KIRREL3: variants seen among roughly 807,000 people sequenced by gnomAD.
KIRREL3 encodes kirre like nephrin family adhesion molecule 3.
Under a neutral mutation model 89.7 loss-of-function variants are expected in KIRREL3, and 36 were observed. The observed-to-expected ratio is 0.40, with a 90% CI of 0.31 to 0.53. The LOEUF is 0.53. KIRREL3 is among the 20% of genes least tolerant of loss of function. KIRREL3 has a pLI of 0.49. For synonymous variants in KIRREL3, 445 were observed against 441.4 expected (o/e 1.01, Z -0.10); for missense variants, 864 against 1,056.6 (o/e 0.82, Z 2.53).
At chr11:126,910,889 C>T (rs544878806) in intron 1 of KIRREL3, among the ~76,000 whole-genome samples, 5 of 152,314 alleles carry the variant, frequency 3.3e-5, no homozygotes, top group African/African-American at 1.2e-4. Context: ...GCAGGAAGGC[C>T]CAGCAGTGAT....
chr11:126,701,293 C>G (rs1947303564), intron 1 of KIRREL3, among the ~76,000 whole-genome samples: 1 of 152,154 alleles, frequency 6.6e-6, no homozygotes, highest in Non-Finnish European at 1.5e-5. Context: ...GTCTTTGCAT[C>G]CATCTCTTAG....
At chr11:126,952,109 G>C (rs1948790068) in intron 1 of KIRREL3, among the ~76,000 whole-genome samples, 1 of 152,190 alleles carries the variant, frequency 6.6e-6, no homozygotes. Context: ...GTTTTGGCTG[G>C]GCACGGTGGC....
Position 126,724,935 on chromosome 11 carries a change from G to A in KIRREL3, c.56-162023C>T, listed in dbSNP as rs7929838. ...TTGTACCTTGACTTTGTGTCAGGTA[G>A]TGTGCTAGGTGCAGGAGTAGATATT... is the stretch of plus-strand genomic sequence containing the variant. On this transcript the variant is annotated intron_variant, in intron 1 of 16. Transcript: ENST00000525144. This position sits in a 1 kb window ranked among gnomAD's most constrained non-coding sequence, Gnocchi z 4.3. Among the ~76,000 whole-genome samples, 11,479 of 152,284 alleles carry A rather than the reference G, an allele frequency of 0.075. 670 individuals are homozygous for A. The highest frequency in any genetic ancestry group is 0.16 in the African/African-American group (6,744 of 41,532).
chr11:126,854,673 G>T (rs1336623494), intron 1 of KIRREL3, among the ~76,000 whole-genome samples: 1 of 152,154 alleles, frequency 6.6e-6, no homozygotes, highest in Non-Finnish European at 1.5e-5. Context: ...GAATAATGTT[G>T]CCATGAACAC....
intron 1 of KIRREL3, among the ~76,000 whole-genome samples, chr11:126,711,719 T>G (rs990390821): frequency 2.6e-5 from 4 of 152,194 alleles, no homozygotes; most frequent in African/African-American, 9.6e-5. Flanking sequence ...AAAGGTCTGA[T>G]TTAGTAAGGT....
Position 126,594,306 on chromosome 11 carries a change from A to AT in KIRREL3, c.56-31395dup, listed in dbSNP as rs55750071. Among the ~76,000 whole-genome samples, 33,419 of 151,922 alleles carry AT rather than the reference A, an allele frequency of 0.22. 4,755 individuals carry two copies. Among genetic ancestry groups the AT allele is most frequent in the South Asian group, 0.41 (1,977 of 4,792 alleles). ...GCCACAGGATTCATGGCGTACTGTGATTTTTTTGTTGTTGCTATGGTCCTT... is the reference window on the plus strand; with the variant it reads ...GCCACAGGATTCATGGCGTACTGTGATTTTTTTTGTTGTTGCTATGGTCCTT... On this transcript the variant is annotated intron_variant, in intron 1 of 16. Transcript: ENST00000525144. The surrounding 1 kb of genome is among the most constrained non-coding windows in gnomAD (Gnocchi z 5.0).
In KIRREL3 at chr11:126,976,102, G is replaced by A. The variant is rs142641163; in HGVS notation, c.55+24353C>T. Among the ~76,000 whole-genome samples, 28 of 151,952 alleles carry A rather than the reference G, an allele frequency of 1.8e-4. No individual in the cohort carries two copies. Among genetic ancestry groups the A allele is most frequent in the African/African-American group, 5.3e-4 (22 of 41,380 alleles). ...TTAGCATCTTCCAGATGAACACATC[G>A]CTTTCTACAGAGGATGCTGAGAAGC... On this transcript the variant is annotated intron_variant, in intron 1 of 16. Coordinates refer to ENST00000525144, the MANE Select transcript of KIRREL3 (RefSeq NM_032531.4). This position sits in a 1 kb window ranked among gnomAD's most constrained non-coding sequence, Gnocchi z 4.2.
In KIRREL3 at chr11:126,525,728, G is replaced by A. The variant is rs887809506; in HGVS notation, c.283+810C>T. Among the ~76,000 whole-genome samples, 3 of 152,244 alleles carry A rather than the reference G, an allele frequency of 2.0e-5. No individual in the cohort carries two copies. The highest frequency in any genetic ancestry group is 2.0e-4 in the Admixed American group (3 of 15,288). ...CCTGCTTGTGAATTTTACTGTGTAC[G>A]CCAAGCCTAGCAAACAACCACTGCC... On this transcript the variant is annotated intron_variant, in intron 3 of 16. Coordinates refer to ENST00000525144, the MANE Select transcript of KIRREL3 (RefSeq NM_032531.4). This position sits in a 1 kb window ranked among gnomAD's most constrained non-coding sequence, Gnocchi z 5.4.
intron 2 of KIRREL3, among the ~76,000 whole-genome samples, chr11:126,552,586 CAG>C (rs1478218587): frequency 2.2e-4 from 12 of 55,736 alleles, no homozygotes; most frequent in Non-Finnish European, 1.1e-4. Flanking sequence ...TTTTTTGAGA[CAG>C]AGTTTTGCTG....
At chr11:126,864,210 T>C (rs1031235080) in intron 1 of KIRREL3, among the ~76,000 whole-genome samples, 6 of 152,178 alleles carry the variant, frequency 3.9e-5, no homozygotes, top group Non-Finnish European at 5.9e-5. Context: ...ATTTTAGGGA[T>C]AAGGAAACTG....
Position 126,424,489 on chromosome 11 carries a change from G to T in KIRREL3, c.*91C>A. ...GGCTGTCCTGGAAGTGGCCAATTCT[G>T]GTGTCCTCTGCAAAGTACCCCTCGT... On this transcript the variant is annotated 3_prime_UTR_variant, in exon 17 of 17. Coordinates refer to ENST00000525144, the MANE Select transcript of KIRREL3 (RefSeq NM_032531.4). The T allele has an allele frequency of 2.4e-6, 3 of 1,270,778 alleles. No homozygotes were observed. The highest frequency in any genetic ancestry group is 2.1e-5 in the Admixed American group (1 of 48,446). The allele number at this position is 1,270,778 out of a possible 1,614,324, so 78.7% of individuals were successfully genotyped here. A position where few individuals can be genotyped will look rare whatever the true frequency, so the allele number is the denominator to read the frequency against.
Position 126,708,949 on chromosome 11 carries a change from C to G in KIRREL3, c.56-146037G>C, listed in dbSNP as rs796966801. 6.6e-6 allele frequency among the ~76,000 whole-genome samples: 1 copy of G among 152,164 alleles called. No homozygotes were observed. Among genetic ancestry groups the G allele is most frequent in the African/African-American group, 2.4e-5 (1 of 41,446 alleles). On this transcript the variant is annotated intron_variant, in intron 1 of 16. Coordinates refer to ENST00000525144, the MANE Select transcript of KIRREL3 (RefSeq NM_032531.4). This position sits in a 1 kb window ranked among gnomAD's most constrained non-coding sequence, Gnocchi z 5.7. ...GCTGTTTCTTGAATTGGTTTCTTCT[C>G]TATCCCACTATTACTGTCCTGATCC...
In KIRREL3 at chr11:126,498,786, C is replaced by T. The variant is rs887082800; in HGVS notation, c.433+22529G>A. The stretch of plus-strand genomic sequence containing the variant: ...TGCACCTAAGGTTGAGTCCCCCTCC[C>T]ACAGGAGCACCTGCGTGGGCCCTCA... On this transcript the variant is annotated intron_variant, in intron 4 of 16. Transcript: ENST00000525144. This position sits in a 1 kb window ranked among gnomAD's most constrained non-coding sequence, Gnocchi z 4.3. 3.3e-5 allele frequency among the ~76,000 whole-genome samples: 5 copies of T among 152,216 alleles called. No individual in the cohort carries two copies. The highest frequency in any genetic ancestry group is 1.2e-4 in the African/African-American group (5 of 41,454).
intron 8 of KIRREL3, among the ~76,000 whole-genome samples, chr11:126,447,384 G>A (rs569213310): frequency 4.6e-5 from 7 of 152,252 alleles, no homozygotes; most frequent in South Asian, 2.1e-4. Flanking sequence ...ACCTGGAATC[G>A]AGTGACTGGT....
intron 1 of KIRREL3, among the ~76,000 whole-genome samples, chr11:126,992,709 C>T (rs1950068662): frequency 6.6e-6 from 1 of 152,140 alleles, no homozygotes; most frequent in Admixed American, 6.5e-5. Context: ...AGCAAAATGT[C>T]CCTAGGTTTT....
chr11:126,662,065 G>C lies in KIRREL3; in HGVS notation c.56-99153C>G, dbSNP rs1316036260. Among the ~76,000 whole-genome samples the C allele has an allele frequency of 6.6e-5, 10 of 152,162 alleles. 1 individual carries two copies. Among genetic ancestry groups the C allele is most frequent in the Admixed American group, 6.6e-4 (10 of 15,264 alleles). On this transcript the variant is annotated intron_variant, in intron 1 of 16. Transcript: ENST00000525144. ...ACGCCCATTGAGAGGAAGGGAATAA[G>C]ATTGATTTTCCCCTAGTAGTTTTTA...
rs537804734 is a variant in KIRREL3, at chr11:126,658,025, C to T, written c.56-95113G>A. Among the ~76,000 whole-genome samples the T allele has an allele frequency of 1.3e-4, 20 of 152,318 alleles. No individual in the cohort carries two copies. In the South Asian group the frequency reaches 3.9e-3, roughly 30 times the overall value. ...CAAAGCCTGGGGCTGCTCACCCAAT[C>T]CCTTTGTGTCTGTCACAGCTCTCCC... On this transcript the variant is annotated intron_variant, in intron 1 of 16. Transcript: ENST00000525144.
At chr11:126,549,240 T>C (rs980785889) in intron 2 of KIRREL3, 3 of 152,196 alleles carry the variant, frequency 2.0e-5, no homozygotes, top group Non-Finnish European at 4.4e-5. Context: ...GATTTGGCAC[T>C]TCTGAATGTC....
rs1400413253 is a variant in KIRREL3, at chr11:126,666,667, T to C, written c.56-103755A>G. ...CTTGGCTTATTTTTTTACTGCATGA[T>C]ATGAACACTTAGGGTTAAACAGAGC... On this transcript the variant is annotated intron_variant, in intron 1 of 16. Coordinates refer to ENST00000525144, the MANE Select transcript of KIRREL3 (RefSeq NM_032531.4). The surrounding 1 kb of genome is among the most constrained non-coding windows in gnomAD (Gnocchi z 4.2). Among the ~76,000 whole-genome samples, 5 of 152,218 alleles carry C rather than the reference T, an allele frequency of 3.3e-5. No individual in the cohort carries two copies. The highest frequency in any genetic ancestry group is 1.2e-4 in the African/African-American group (5 of 41,462).
Sources: gnomAD v4.1 joint callset for allele counts (sites outside exome capture counted in the v4.1 genomes callset) on GRCh38, gnomAD v4.1.1 for gene constraint, Gnocchi (gnomAD v3.1) non-coding constraint, MANE v1.5 for transcripts, NCBI Gene and HGNC (gene_info 2026-07-23, HGNC 2026-07-21) for gene names.